The following COL14A1 variants were observed in gnomAD, a reference collection of about 807,000 sequenced individuals.
COL14A1 encodes collagen alpha-1(XIV) chain.
COL14A1 carries 136 observed loss-of-function variants against 230.3 expected under a neutral mutation model. That is an observed-to-expected ratio of 0.59 (90% CI 0.51 to 0.68). The LOEUF is 0.68. Ranked by LOEUF, COL14A1 falls within the 30% of genes least tolerant of loss-of-function variation. The pLI is 0.00. For missense variants in COL14A1, 1,976 were observed against 2,215.8 expected (o/e 0.89, Z 2.17); for synonymous variants, 792 against 784.1 (o/e 1.01, Z -0.17).
Position 120,370,388 on chromosome 8 carries a change from G to A in COL14A1, c.5312-764G>A, listed in dbSNP as rs775193079. The stretch of plus-strand genomic sequence containing the variant: ...ACTGAAGTGGAAATCCTCCACTCTG[G>A]TTCCATTGGCCCCAGACATTTAGCT... On this transcript the variant is annotated intron_variant, in intron 47 of 47. Transcript: ENST00000297848. The A allele has an allele frequency of 1.9e-5, 31 of 1,610,756 alleles. No homozygotes were observed. The Admixed American group carries it at 5.0e-4, about 26-fold the overall frequency.
intron 19 of COL14A1, among the ~76,000 whole-genome samples, chr8:120,238,672 G>A (rs184260227): frequency 1.1e-3 from 165 of 152,322 alleles, no homozygotes; most frequent in African/African-American, 3.7e-3. Flanking sequence ...AACTCTTGCA[G>A]CTAGCTCGGT....
At chr8:120,244,356 A>G (rs946110767) in intron 20 of COL14A1, among the ~76,000 whole-genome samples, 15 of 151,548 alleles carry the variant, frequency 9.9e-5, no homozygotes, top group Non-Finnish European at 1.9e-4. Context: ...TCCAAGCCAC[A>G]CTCTCTCTTT....
chr8:120,252,218 G>A (rs1413400635), intron 22 of COL14A1, among the ~76,000 whole-genome samples: 1 of 151,462 alleles, frequency 6.6e-6, no homozygotes, highest in Non-Finnish European at 1.5e-5. Context: ...TATCCCTTAG[G>A]GTACAAGGGG....
chr8:120,160,079 G>T lies in COL14A1; in HGVS notation c.205+1833G>T, dbSNP rs560789579. On this transcript the variant is annotated intron_variant, in intron 3 of 47. Transcript: ENST00000297848. ...ATACCAGATGTCCACTTTTCCCATG[G>T]TGGCGTACAGAAGTGACTTGCTTAT... Among the ~76,000 whole-genome samples the T allele has an allele frequency of 3.3e-5, 5 of 152,204 alleles. No homozygotes were observed. The South Asian group carries it at 8.3e-4, about 25-fold the overall frequency.
chr8:120,279,513 T>C (rs1192000036), intron 28 of COL14A1, among the ~76,000 whole-genome samples: 1 of 150,942 alleles, frequency 6.6e-6, no homozygotes, highest in Non-Finnish European at 1.5e-5. Context: ...TGGCCCACCT[T>C]AGGTTGCTAG....
chr8:120,181,596 C>A (rs1232533803), intron 5 of COL14A1, among the ~76,000 whole-genome samples: 1 of 152,050 alleles, frequency 6.6e-6, no homozygotes, highest in Non-Finnish European at 1.5e-5. Context: ...TTTAAAATTT[C>A]ATGAAGAGGT....
At chr8:120,287,822 AT>A (rs1487141116) in intron 33 of COL14A1, among the ~76,000 whole-genome samples, 1 of 152,130 alleles carries the variant, frequency 6.6e-6, no homozygotes. Flanking sequence ...GTCGAATTCT[AT>A]TTGTTCATAG....
Position 120,208,314 on chromosome 8 carries a change from T to A in COL14A1, c.1274T>A (p.Ile425Asn). ...GAATATCAGATAGCAGTCTTTGCAA[T>A]CTATGCCCACACTGCTAGTGAAGGC... ...LTEYQIAVFA[I>N]YAHTASEGLR... Residue 425 changes from isoleucine (I) to asparagine (N), a missense_variant, in exon 11 of 48, where the codon ATC (isoleucine) becomes AAC (asparagine). This residue lies in a region of COL14A1 where 1,791 missense variants were observed against 2,019.5 expected (regional missense o/e 0.89). Transcript: ENST00000297848. The A allele has an allele frequency of 6.2e-7, 1 of 1,613,784 alleles. No homozygotes were observed. The highest frequency in any genetic ancestry group is 8.5e-7 in the Non-Finnish European group (1 of 1,179,822).
chr8:120,347,586 G>A (rs72678246), intron 45 of COL14A1, among the ~76,000 whole-genome samples: 2,034 of 152,244 alleles, frequency 0.013, 30 homozygotes, highest in South Asian at 0.035. Context: ...AAATATCCAG[G>A]AAAGATAAAG....
chr8:120,283,114 G>C lies in COL14A1; in HGVS notation c.3825-522G>C, dbSNP rs541722404. On this transcript the variant is annotated intron_variant, in intron 31 of 47. Transcript: ENST00000297848. Reference sequence around the variant, plus strand: ...GAAGGGGGATTGGTGTCTGAAACCTGTCTGCAGACAACACTCCCAGGACCA... The same window carrying C: ...GAAGGGGGATTGGTGTCTGAAACCTCTCTGCAGACAACACTCCCAGGACCA... Among the ~76,000 whole-genome samples, 24 of 152,254 alleles carry C rather than the reference G, an allele frequency of 1.6e-4. No homozygotes were observed. The South Asian group carries it at 4.8e-3, about 30-fold the overall frequency.
At chr8:120,308,213 T>G (rs1820911395) in intron 36 of COL14A1, among the ~76,000 whole-genome samples, 1 of 152,192 alleles carries the variant, frequency 6.6e-6, no homozygotes, top group Non-Finnish European at 1.5e-5. Context: ...AACTCCTAAC[T>G]TCAAGTGATC....
chr8:120,163,518 C>T (rs1461795440), intron 4 of COL14A1, among the ~76,000 whole-genome samples: 1 of 152,162 alleles, frequency 6.6e-6, no homozygotes, highest in South Asian at 2.1e-4. Flanking sequence ...AATCCCAGCA[C>T]TTTGGGAGGC....
At chr8:120,302,434 G>T (rs1037004241) in intron 36 of COL14A1, among the ~76,000 whole-genome samples, 3 of 152,046 alleles carry the variant, frequency 2.0e-5, no homozygotes, top group Non-Finnish European at 4.4e-5. Flanking sequence ...GTAAGGAAGG[G>T]GTCCAGTTTC....
intron 40 of COL14A1, among the ~76,000 whole-genome samples, chr8:120,327,910 A>G (rs1821737262): frequency 6.6e-6 from 1 of 151,958 alleles, no homozygotes; most frequent in Non-Finnish European, 1.5e-5. Flanking sequence ...GATTACAGGC[A>G]TGAGCCACCA....
rs865858075 is a variant in COL14A1, at chr8:120,227,986, A to C, written c.2137+634A>C. 4.6e-5 allele frequency among the ~76,000 whole-genome samples: 7 copies of C among 152,318 alleles called. No homozygotes were observed. In the Middle Eastern group the frequency reaches 0.017, roughly 370 times the overall value. ...GAGGACAGCAGGAGGGGGCATGGGA[A>C]GAAGTTGAAACTGAACCCTCAGCTA... is the stretch of plus-strand genomic sequence containing the variant. On this transcript the variant is annotated intron_variant, in intron 17 of 47. Transcript: ENST00000297848.
chr8:120,360,799 A>G (rs886657417), intron 45 of COL14A1, among the ~76,000 whole-genome samples: 1 of 152,114 alleles, frequency 6.6e-6, no homozygotes, highest in African/African-American at 2.4e-5. Context: ...TGGGCTAGGC[A>G]GTTTATGTTG....
chr8:120,312,417 A>AT (rs1415928012), intron 37 of COL14A1, among the ~76,000 whole-genome samples: 3 of 152,050 alleles, frequency 2.0e-5, no homozygotes, highest in Non-Finnish European at 4.4e-5. Flanking sequence ...TTAGAGTTTA[A>AT]TTTTTTTAAC....
intron 25 of COL14A1, among the ~76,000 whole-genome samples, chr8:120,269,337 T>C (rs896151386): frequency 1.3e-4 from 20 of 151,750 alleles, no homozygotes; most frequent in Non-Finnish European, 2.2e-4. Context: ...TTTTTATTGG[T>C]GTAGTTTGCT....
intron 3 of COL14A1, among the ~76,000 whole-genome samples, chr8:120,159,233 C>A (rs917316744): frequency 1.5e-4 from 23 of 152,080 alleles, no homozygotes; most frequent in Non-Finnish European, 3.4e-4. Context: ...TTAAAAAGAT[C>A]CCCAGGTGAT....
Sources: allele counts gnomAD v4.1 joint callset (sites outside exome capture counted in the v4.1 genomes callset), GRCh38; gene constraint gnomAD v4.1.1; regional missense constraint gnomAD v4.1.1; transcripts MANE v1.5; gene names NCBI Gene and HGNC (gene_info 2026-07-23, HGNC 2026-07-21).